Variants in CDH13 observed in about 807,000 individuals in gnomAD.
CDH13 encodes cadherin 13, also known as cadherin-13.
CDH13 carries 24 observed loss-of-function variants against 63.8 expected under a neutral mutation model. The observed-to-expected ratio is 0.38, with a 90% CI of 0.27 to 0.53. The LOEUF is 0.53. CDH13 is among the 20% of genes least tolerant of loss of function. CDH13 has a pLI of 0.85. For missense variants in CDH13, 1,049 were observed against 903.1 expected, an observed-to-expected ratio of 1.16 and a Z score of -2.07; for synonymous variants, 503 against 355.3, an observed-to-expected ratio of 1.42 and a Z score of -4.67.
intron 1 of CDH13, among the ~76,000 whole-genome samples, chr16:82,682,941 C>T (rs1914699985): frequency 6.6e-6 from 1 of 152,138 alleles, no homozygotes; most frequent in South Asian, 2.1e-4. Context: ...CCTAAGAATG[C>T]CTGGGCCCTA....
chr16:82,907,149 C>G (rs1040247871), intron 2 of CDH13, among the ~76,000 whole-genome samples: 2 of 152,148 alleles, frequency 1.3e-5, no homozygotes, highest in Non-Finnish European at 2.9e-5. Flanking sequence ...AATTTCAGAA[C>G]AGAAATGGGA....
intron 10 of CDH13, among the ~76,000 whole-genome samples, chr16:83,709,125 G>C (rs12444639): frequency 0.28 from 42,532 of 151,950 alleles, 6,337 homozygotes; most frequent in Middle Eastern, 0.46. Flanking sequence ...CAAGTCATTG[G>C]AGCCACATAA....
intron 1 of CDH13, among the ~76,000 whole-genome samples, chr16:82,702,040 T>C (rs1486394561): frequency 6.6e-6 from 1 of 152,172 alleles, no homozygotes; most frequent in Non-Finnish European, 1.5e-5. Flanking sequence ...AGGTGTTCTG[T>C]CACCCCATCC....
At position 82,913,496 on chromosome 16, in the gene CDH13, A is replaced by G. The variant is rs554350775; in HGVS notation, c.157+55023A>G. ...ATATGTGGAAATCCAGGCCACAACT[A>G]TTTTACTTTCTGTGAATAAGGCCAT... is the stretch of plus-strand genomic sequence containing the variant. On this transcript the variant is annotated intron_variant, in intron 2 of 13. Transcript: ENST00000567109. 3.9e-5 allele frequency among the ~76,000 whole-genome samples: 6 copies of G among 152,144 alleles called. No homozygotes were observed. In the East Asian group the frequency reaches 7.7e-4, roughly 20 times the overall value.
At chr16:82,893,172 C>T (rs1020875903) in intron 2 of CDH13, among the ~76,000 whole-genome samples, 79 of 152,198 alleles carry the variant, frequency 5.2e-4, no homozygotes, top group African/African-American at 1.9e-3. Flanking sequence ...AGAGAAACCT[C>T]AAAATTACTA....
chr16:82,877,968 C>CATAT (rs1414314238), intron 2 of CDH13, among the ~76,000 whole-genome samples: 3 of 144,358 alleles, frequency 2.1e-5, no homozygotes, highest in Admixed American at 1.4e-4. Context: ...CACATATACA[C>CATAT]ACACACACAC....
At chr16:83,288,085 T>C (rs2089367647) in intron 5 of CDH13, among the ~76,000 whole-genome samples, 2 of 152,248 alleles carry the variant, frequency 1.3e-5, no homozygotes, top group South Asian at 4.1e-4. Context: ...TTAGGTAGTG[T>C]CCATCATGAC....
At chr16:83,445,079 T>G (rs1287074369) in intron 6 of CDH13, among the ~76,000 whole-genome samples, 2 of 152,042 alleles carry the variant, frequency 1.3e-5, no homozygotes, top group African/African-American at 4.8e-5. Flanking sequence ...TATTCTTAAT[T>G]TTTGATATTT....
intron 1 of CDH13, among the ~76,000 whole-genome samples, chr16:82,760,936 T>C (rs1417848679): frequency 6.6e-6 from 1 of 150,690 alleles, no homozygotes; most frequent in African/African-American, 2.4e-5. Flanking sequence ...CAGGAAGCCA[T>C]TCAGGAGGGA....
intron 2 of CDH13, among the ~76,000 whole-genome samples, chr16:82,933,619 A>G (rs750904261): frequency 2.0e-5 from 3 of 152,218 alleles, no homozygotes; most frequent in Non-Finnish European, 2.9e-5. Flanking sequence ...GTCCAAGTCC[A>G]TAGTCTGATT....
At chr16:83,660,843 T>A (rs1361713538) in intron 8 of CDH13, among the ~76,000 whole-genome samples, 1 of 152,202 alleles carries the variant, frequency 6.6e-6, no homozygotes, top group Non-Finnish European at 1.5e-5. Flanking sequence ...TGTTTTGCAT[T>A]TTCTTTCATT....
chr16:83,552,993 C>A (rs192871164), intron 7 of CDH13, among the ~76,000 whole-genome samples: 1 of 151,456 alleles, frequency 6.6e-6, no homozygotes, highest in Admixed American at 6.6e-5. Context: ...GCAGGAGAAT[C>A]ACTTGAACCC....
At chr16:82,939,050 C>T (rs2042752840) in intron 2 of CDH13, among the ~76,000 whole-genome samples, 1 of 152,184 alleles carries the variant, frequency 6.6e-6, no homozygotes, top group South Asian at 2.1e-4. Context: ...GTCTGGAGCA[C>T]AGTGAAGTGG....
Position 83,425,403 on chromosome 16 carries a change from C to T in CDH13, c.782-61074C>T, listed in dbSNP as rs141821002. ...ACAATTATTGTTCTTACCCTTGAAC[C>T]AGCCACTTACCTGCTGCGTTCCCAC... is the stretch of plus-strand genomic sequence containing the variant. On this transcript the variant is annotated intron_variant, in intron 6 of 13. Transcript: ENST00000567109. Among the ~76,000 whole-genome samples, 4 of 152,340 alleles carry T rather than the reference C, an allele frequency of 2.6e-5. No individual in the cohort carries two copies. The East Asian group carries it at 5.8e-4, about 22-fold the overall frequency.
intron 7 of CDH13, among the ~76,000 whole-genome samples, chr16:83,602,042 G>A (rs1229142191): frequency 7.7e-5 from 10 of 129,732 alleles, no homozygotes; most frequent in African/African-American, 1.7e-4. Flanking sequence ...GCAGTGAGCC[G>A]AGATTGCGCC....
rs752481819 is a variant in CDH13, at chr16:83,232,549, CA to C, written c.636+15055del. Among the ~76,000 whole-genome samples the C allele has an allele frequency of 5.5e-3, 575 of 104,516 alleles. 1 individual carries two copies. Among genetic ancestry groups the C allele is most frequent in the Admixed American group, 9.3e-3 (102 of 10,920 alleles). The allele number at this position is 104,516 out of a possible 152,430, so 68.6% of individuals were successfully genotyped here. ...AAAAAACGACAACAACAACAACAAA[CA>C]AACAAAAAAAAAAAAAAGTGTGGCA... On this transcript the variant is annotated intron_variant, in intron 5 of 13. Transcript: ENST00000567109.
intron 2 of CDH13, among the ~76,000 whole-genome samples, chr16:82,927,375 T>G (rs2042338024): frequency 1.3e-5 from 2 of 152,150 alleles, no homozygotes; most frequent in African/African-American, 4.8e-5. Context: ...TTTGGGAAAA[T>G]TCAGTCTCCC....
At chr16:83,234,673 G>A (rs143786211) in intron 5 of CDH13, among the ~76,000 whole-genome samples, 1 of 152,306 alleles carries the variant, frequency 6.6e-6, no homozygotes, top group East Asian at 1.9e-4. Context: ...AGGCACAAGG[G>A]ATTTTAGAGT....
At chr16:83,119,630 C>T (rs2035473787) in intron 3 of CDH13, among the ~76,000 whole-genome samples, 1 of 152,106 alleles carries the variant, frequency 6.6e-6, no homozygotes, top group African/African-American at 2.4e-5. Context: ...TTGTGTTGTC[C>T]TTCTCTGAGT....
Sources: allele counts gnomAD v4.1 joint callset (sites outside exome capture counted in the v4.1 genomes callset), GRCh38; gene constraint gnomAD v4.1.1; transcripts MANE v1.5; gene names NCBI Gene and HGNC (gene_info 2026-07-23, HGNC 2026-07-21).